The following PDILT variants were observed in gnomAD, a reference collection of about 807,000 sequenced individuals.
PDILT encodes the protein protein disulfide-isomerase-like protein of the testis.
In PDILT, 43 loss-of-function variants were observed where a neutral mutation model predicts 53.7. The observed-to-expected ratio is 0.80, with a 90% CI of 0.63 to 1.03. The LOEUF is 1.03. Among genes scored for constraint, PDILT ranks in the 50% least tolerant of loss-of-function variants. PDILT has a pLI of 0.00. For synonymous variants in PDILT, 282 were observed against 274.2 expected (o/e 1.03, Z -0.28); for missense variants, 727 against 712.3 (o/e 1.02, Z -0.24).
chr16:20,360,584 A>T lies in PDILT; in HGVS notation c.1490T>A (p.Ile497Asn). The part of the protein sequence containing the change: ...DFLESHIKTK[I>N]EDEDELLSVE... ...GCCCCTTACCTCATCCTCATCCTCAATCTTAGTTTTGATGTGGCTTTCCAG... is the reference window on the plus strand; with the variant it reads ...GCCCCTTACCTCATCCTCATCCTCATTCTTAGTTTTGATGTGGCTTTCCAG... The change falls in exon 11 of 12, where the codon ATT becomes AAT. Residue 497 changes from isoleucine (I) to asparagine (N), a missense_variant. Physicochemically the swap from Ile to Asn is moderately radical, Grantham distance 149 (BLOSUM62 -3). Coordinates refer to ENST00000302451, the MANE Select transcript of PDILT (RefSeq NM_174924.2). 1 of 1,613,664 alleles carries T rather than the reference A, an allele frequency of 6.2e-7. No individual in the cohort carries two copies.
intron 2 of PDILT, among the ~76,000 whole-genome samples, chr16:20,386,993 G>A (rs1270490923): frequency 4.6e-5 from 7 of 152,220 alleles, no homozygotes; most frequent in Admixed American, 2.0e-4. Context: ...TGTGGCAACC[G>A]GAGTGCTGGG....
At chr16:20,391,924 C>T (rs1468095350) in intron 2 of PDILT, among the ~76,000 whole-genome samples, 1 of 151,518 alleles carries the variant, frequency 6.6e-6, no homozygotes, top group African/African-American at 2.4e-5. Context: ...TGCAAAGGCC[C>T]AGAGGCTGTA....
chr16:20,401,453 C>T (rs1052302256), intron 1 of PDILT, among the ~76,000 whole-genome samples: 10 of 152,176 alleles, frequency 6.6e-5, no homozygotes, highest in Non-Finnish European at 1.5e-5. Flanking sequence ...ATAACCCCTC[C>T]TTTGTGACAT....
chr16:20,364,447 G>T (rs904720215), intron 9 of PDILT, among the ~76,000 whole-genome samples: 1 of 152,186 alleles, frequency 6.6e-6, no homozygotes, highest in Admixed American at 6.5e-5. Context: ...GTGTGACCTA[G>T]GGTAAGATCA....
Position 20,359,192 on chromosome 16 carries a change from T to C in PDILT, c.*127A>G. The C allele has an allele frequency of 2.1e-6, 3 of 1,442,446 alleles. No individual in the cohort carries two copies. Among genetic ancestry groups the C allele is most frequent in the Non-Finnish European group, 2.8e-6 (3 of 1,076,512 alleles). 89.4% of individuals were successfully genotyped at this position (1,442,446 alleles called of 1,614,324 possible). On this transcript the variant is annotated 3_prime_UTR_variant, in exon 12 of 12. Coordinates refer to ENST00000302451, the MANE Select transcript of PDILT (RefSeq NM_174924.2). The stretch of plus-strand genomic sequence containing the variant: ...GAGCCAAGGACACTCAGAGGCTTTA[T>C]TATCCACCCCTACCCCCGCCCCACC...
intron 8 of PDILT, among the ~76,000 whole-genome samples, chr16:20,367,029 T>C (rs151290587): frequency 0.02 from 93 of 4,592 alleles, no homozygotes; most frequent in African/African-American, 0.066. Context: ...TCTTTCTTCT[T>C]TCTTTCTTTC....
At chr16:20,395,489 T>C (rs1966651374) in intron 2 of PDILT, among the ~76,000 whole-genome samples, 1 of 151,782 alleles carries the variant, frequency 6.6e-6, no homozygotes, top group Admixed American at 6.6e-5. Flanking sequence ...GATGAGGGAG[T>C]CAGAAAATAG....
intron 2 of PDILT, among the ~76,000 whole-genome samples, chr16:20,396,030 A>G (rs755892174): frequency 6.6e-5 from 10 of 152,248 alleles, no homozygotes; most frequent in Non-Finnish European, 1.3e-4. Flanking sequence ...CAGATTCTTA[A>G]TTACTTGTAG....
chr16:20,388,427 C>G (rs1330814746), intron 2 of PDILT, among the ~76,000 whole-genome samples: 1 of 152,088 alleles, frequency 6.6e-6, no homozygotes, highest in African/African-American at 2.4e-5. Context: ...CTGACTGGCT[C>G]CAAGGTTCAT....
intron 2 of PDILT, among the ~76,000 whole-genome samples, chr16:20,391,365 T>A (rs1210652085): frequency 6.6e-6 from 1 of 152,136 alleles, no homozygotes; most frequent in Non-Finnish European, 1.5e-5. Context: ...GTCATCATCA[T>A]CATCATCTTC....
intron 2 of PDILT, among the ~76,000 whole-genome samples, chr16:20,392,386 TC>T (rs1966615827): frequency 6.6e-6 from 1 of 151,828 alleles, no homozygotes; most frequent in African/African-American, 2.4e-5. Context: ...AGAGGAAAGC[TC>T]CCCCAACCAC....
At chr16:20,381,429 G>T (rs1347024656) in intron 3 of PDILT, among the ~76,000 whole-genome samples, 1 of 152,024 alleles carries the variant, frequency 6.6e-6, no homozygotes, top group Non-Finnish European at 1.5e-5. Flanking sequence ...GAAATCAAGA[G>T]ATTGAGACCA....
chr16:20,402,535 G>T (rs2141627217), intron 1 of PDILT, among the ~76,000 whole-genome samples: 1 of 152,302 alleles, frequency 6.6e-6, no homozygotes, highest in African/African-American at 2.4e-5. Flanking sequence ...CTGACCTCAG[G>T]TGATCCGCCC....
chr16:20,361,536 A>T (rs1261833359), intron 10 of PDILT, among the ~76,000 whole-genome samples: 1 of 152,072 alleles, frequency 6.6e-6, no homozygotes, highest in Non-Finnish European at 1.5e-5. Flanking sequence ...CAGGTCACCT[A>T]AGCTTCTTTT....
At chr16:20,360,181 G>A (rs1966076970) in intron 11 of PDILT, among the ~76,000 whole-genome samples, 1 of 151,428 alleles carries the variant, frequency 6.6e-6, no homozygotes, top group South Asian at 2.1e-4. Context: ...AATACAGAGG[G>A]CACTGTCCAG....
intron 2 of PDILT, chr16:20,390,722 T>G (rs7359393): frequency 0.98 from 149,179 of 152,302 alleles, 73,160 homozygotes; most frequent in East Asian, 1. Context: ...AGGAATGAAG[T>G]TTCCAATGAT....
intron 1 of PDILT, among the ~76,000 whole-genome samples, chr16:20,400,173 C>T (rs1384759919): frequency 6.6e-6 from 1 of 151,832 alleles, no homozygotes; most frequent in Non-Finnish European, 1.5e-5. Context: ...GAGGCTCACC[C>T]TAGTGATCCT....
chr16:20,374,372 A>G (rs1343790633), intron 5 of PDILT, among the ~76,000 whole-genome samples: 1 of 152,164 alleles, frequency 6.6e-6, no homozygotes, highest in Non-Finnish European at 1.5e-5. Flanking sequence ...AGGTGGTTGC[A>G]TCATTCCTGG....
In PDILT at chr16:20,387,961, A is replaced by G. The variant is rs141248878; in HGVS notation, c.203-3110T>C. On this transcript the variant is annotated intron_variant, in intron 2 of 11. Transcript: ENST00000302451. ...GCAGGTAGACCAGTCGGAGGCTACTACAGTAATCCAGGCAAGAGATGGTGA... is the reference window on the plus strand; with the variant it reads ...GCAGGTAGACCAGTCGGAGGCTACTGCAGTAATCCAGGCAAGAGATGGTGA... 1.3e-3 allele frequency among the ~76,000 whole-genome samples: 204 copies of G among 152,288 alleles called. 2 individuals are homozygous for G. Among genetic ancestry groups the G allele is most frequent in the East Asian group, 0.013 (66 of 5,182 alleles).
Sources: allele counts gnomAD v4.1 joint callset (sites outside exome capture counted in the v4.1 genomes callset), GRCh38; gene constraint gnomAD v4.1.1; transcripts MANE v1.5; gene names NCBI Gene and HGNC (gene_info 2026-07-23, HGNC 2026-07-21).